The following LIMK2 variants were observed in gnomAD, a reference collection of about 807,000 sequenced individuals.
LIMK2 encodes the protein LIM domain kinase 2.
In LIMK2, 35 loss-of-function variants were observed where a neutral mutation model predicts 75.7. The ratio of observed to expected loss-of-function variants is 0.46; its 90% CI spans 0.35 to 0.61. LIMK2 has a LOEUF of 0.61. Ranked by LOEUF, LIMK2 falls within the 20% of genes least tolerant of loss-of-function variation. The probability of loss-of-function intolerance (pLI) is 0.00; values close to 1 mark genes in which losing one functional copy is unlikely to be tolerated. For missense variants in LIMK2, 623 were observed against 831.0 expected, an observed-to-expected ratio of 0.75 and a Z score of 3.08; for synonymous variants, 301 against 319.2, an observed-to-expected ratio of 0.94 and a Z score of 0.61.
At chr22:31,237,271 A>AG (rs1234825520) in intron 2 of LIMK2, among the ~76,000 whole-genome samples, 1 of 150,640 alleles carries the variant, frequency 6.6e-6, no homozygotes, top group African/African-American at 2.4e-5. Context: ...AAAAAAAAAA[A>AG]AAAAAATGGA....
intron 2 of LIMK2, among the ~76,000 whole-genome samples, chr22:31,241,514 T>G (rs937487218): frequency 7.9e-5 from 12 of 152,104 alleles, no homozygotes; most frequent in Non-Finnish European, 7.4e-5. Context: ...TGCTGTCTTC[T>G]CCTCCTTTTT....
At position 31,236,488 on chromosome 22, in the gene LIMK2, G is replaced by C. The variant is rs191565821; in HGVS notation, c.116+10669G>C. Among the ~76,000 whole-genome samples the C allele has an allele frequency of 9.0e-5, 13 of 144,316 alleles. No individual in the cohort carries two copies. In the East Asian group the frequency reaches 2.5e-3, roughly 28 times the overall value. The allele number at this position is 144,316 out of a possible 152,430, so 94.7% of individuals were successfully genotyped here. A position where few individuals can be genotyped will look rare whatever the true frequency, so the allele number is the denominator to read the frequency against. On this transcript the variant is annotated intron_variant, in intron 2 of 15. Coordinates refer to ENST00000331728, the MANE Select transcript of LIMK2 (RefSeq NM_005569.4). ...GCCAGGCATGGTGGCTCATGCCTGTGGTCCCAGCTACTCAGGAGGCTGAGG... is the reference window on the plus strand; with the variant it reads ...GCCAGGCATGGTGGCTCATGCCTGTCGTCCCAGCTACTCAGGAGGCTGAGG...
intron 1 of LIMK2, among the ~76,000 whole-genome samples, chr22:31,219,248 C>G (rs2123764642): frequency 6.6e-6 from 1 of 151,814 alleles, no homozygotes; most frequent in Admixed American, 6.6e-5. Context: ...TTTTTTGGCG[C>G]CTGCCCCAGT....
intron 11 of LIMK2, among the ~76,000 whole-genome samples, chr22:31,269,210 A>G (rs142825277): frequency 1.1e-4 from 17 of 150,740 alleles, no homozygotes; most frequent in African/African-American, 2.7e-4. Context: ...GGCTCAAGCA[A>G]TCCTCCTGCC....
At chr22:31,277,054 T>G (rs1231245165) in intron 15 of LIMK2, 4 of 1,613,820 alleles carry the variant, frequency 2.5e-6, no homozygotes, top group Non-Finnish European at 3.4e-6. Context: ...GCTGGTTGAC[T>G]GTTACAAACC....
At chr22:31,259,819 G>A (rs1011691577) in intron 4 of LIMK2, 70 bp from the exon 5 acceptor site, 2 of 1,368,862 alleles carry the variant, frequency 1.5e-6, no homozygotes, top group South Asian at 2.6e-5. Flanking sequence ...AAGCCACATG[G>A]TGCAGTGGTT....
intron 4 of LIMK2, 43 bp downstream of exon 4, chr22:31,259,273 G>A (rs1295746154): frequency 7.7e-7 from 1 of 1,296,860 alleles, no homozygotes; most frequent in African/African-American, 1.5e-5. Context: ...ATATAAGAGT[G>A]GCTGGCGGGG....
intron 1 of LIMK2, among the ~76,000 whole-genome samples, chr22:31,215,230 G>A (rs1601393131): frequency 6.6e-6 from 1 of 152,344 alleles, no homozygotes; most frequent in Non-Finnish European, 1.5e-5. Flanking sequence ...AGCACAAAAA[G>A]CAGAATGAAG....
chr22:31,268,227 C>A (rs140231516), intron 11 of LIMK2, 27 bp downstream of exon 11: 5 of 1,594,890 alleles, frequency 3.1e-6, no homozygotes, highest in Middle Eastern at 1.7e-4. Flanking sequence ...AACCTGCCAG[C>A]AGGGCGAGAG....
At chr22:31,277,389 G>A (rs913336831) in intron 15 of LIMK2, 16 of 1,293,882 alleles carry the variant, frequency 1.2e-5, no homozygotes, top group African/African-American at 1.5e-5. Context: ...TTAATAAAGC[G>A]AGGTAGGGTA....
At chr22:31,268,993 CA>C (rs1252697522) in intron 11 of LIMK2, among the ~76,000 whole-genome samples, 7 of 152,108 alleles carry the variant, frequency 4.6e-5, no homozygotes, top group Non-Finnish European at 1.0e-4. Flanking sequence ...CTATAGGAGA[CA>C]AATGTAAAAG....
intron 2 of LIMK2, among the ~76,000 whole-genome samples, chr22:31,257,206 C>A (rs1298170547): frequency 2.6e-5 from 4 of 151,852 alleles, no homozygotes; most frequent in African/African-American, 7.2e-5. Flanking sequence ...ATGGATCTAA[C>A]ATGTACATCT....
At position 31,262,220 on chromosome 22, in the gene LIMK2, G is replaced by A. The variant is rs779494391; in HGVS notation, c.638G>A (p.Arg213His). 29 of 1,612,846 alleles carry A rather than the reference G, an allele frequency of 1.8e-5. No individual in the cohort carries two copies. The highest frequency in any genetic ancestry group is 1.1e-4 in the South Asian group (10 of 91,070). Residue 213 changes from arginine (R) to histidine (H), a missense_variant, in exon 6 of 16, where the codon CGC becomes CAC. By Grantham distance (29) the Arg-to-His change is conservative. This residue lies in a region of LIMK2 where 514 missense variants were observed against 661.3 expected (regional missense o/e 0.78). Coordinates refer to ENST00000331728, the MANE Select transcript of LIMK2 (RefSeq NM_005569.4). This position sits in a 1 kb window ranked among gnomAD's most constrained non-coding sequence, Gnocchi z 5.0. ...CTGGAGATCAATGGGACCCCCGTCC[G>A]CACACTTCGAGTGGAGGAGGTAGAG... ...RILEINGTPV[R>H]TLRVEEVEDA...
chr22:31,264,339 G>A (rs1465002047), intron 7 of LIMK2, among the ~76,000 whole-genome samples: 4 of 152,170 alleles, frequency 2.6e-5, no homozygotes, highest in African/African-American at 7.2e-5. Context: ...CCTGTAGGTC[G>A]GGACAAGCCA....
chr22:31,216,364 G>A (rs1158359778), intron 1 of LIMK2, among the ~76,000 whole-genome samples: 1 of 152,164 alleles, frequency 6.6e-6, no homozygotes, highest in Admixed American at 6.5e-5. Flanking sequence ...TTGGGAGGTG[G>A]AAGATTCATA....
Position 31,278,523 on chromosome 22 carries a change from T to A in LIMK2, c.*82T>A. The A allele has an allele frequency of 7.1e-7, 1 of 1,411,886 alleles. No individual in the cohort carries two copies. 87.5% of individuals were successfully genotyped at this position (1,411,886 alleles called of 1,614,324 possible). A position where few individuals can be genotyped will look rare whatever the true frequency, so the allele number is the denominator to read the frequency against. On this transcript the variant is annotated 3_prime_UTR_variant, in exon 16 of 16. Coordinates refer to ENST00000331728, the MANE Select transcript of LIMK2 (RefSeq NM_005569.4). ...CCCATTCCTGCTGTGAGCAGGGCCGTCCGGGCTTCCTGTGGATTGGCGGAA... is the reference window on the plus strand; with the variant it reads ...CCCATTCCTGCTGTGAGCAGGGCCGACCGGGCTTCCTGTGGATTGGCGGAA...
chr22:31,267,096 G>C, intron 9 of LIMK2, 26 bp downstream of exon 9: 1 of 1,387,114 alleles, frequency 7.2e-7, no homozygotes. Context: ...GGGCCCGGGA[G>C]GTTGGTGTCA....
At chr22:31,217,670 T>C (rs1284989289) in intron 1 of LIMK2, among the ~76,000 whole-genome samples, 1 of 152,232 alleles carries the variant, frequency 6.6e-6, no homozygotes, top group East Asian at 1.9e-4. Context: ...GGTTAACCAG[T>C]TCTCTGATAA....
chr22:31,280,079 A>C lies in LIMK2; in HGVS notation c.*1638A>C, dbSNP rs2049071695. On this transcript the variant is annotated 3_prime_UTR_variant, in exon 16 of 16. Transcript: ENST00000331728. ...AAATTAAGCAGTTAACATAACTGGC[A>C]ATATGGAGAGTGAAAACATGATTGG... 1 of 152,236 alleles carries C rather than the reference A, an allele frequency of 6.6e-6. No homozygotes were observed. Among genetic ancestry groups the C allele is most frequent in the East Asian group, 1.9e-4 (1 of 5,194 alleles). 9.4% of individuals were successfully genotyped at this position (152,236 alleles called of 1,614,324 possible).
Sources: allele counts gnomAD v4.1 joint callset (sites outside exome capture counted in the v4.1 genomes callset), GRCh38; gene constraint gnomAD v4.1.1; regional missense constraint gnomAD v4.1.1; non-coding constraint Gnocchi (gnomAD v3.1); transcripts MANE v1.5; gene names NCBI Gene and HGNC (gene_info 2026-07-23, HGNC 2026-07-21).